The following ITPR1 variants were observed in gnomAD, a reference collection of about 807,000 sequenced individuals.
ITPR1 encodes the protein inositol 1,4,5-trisphosphate receptor type 1.
In ITPR1, 96 loss-of-function variants were observed where a neutral mutation model predicts 318.4. The observed-to-expected ratio is 0.30, with a 90% confidence interval of 0.26 to 0.36. The LOEUF is 0.36. ITPR1 is among the 10% of genes least tolerant of loss of function. ITPR1 has a pLI of 1.00. For synonymous variants in ITPR1, 1,312 were observed against 1,289.9 expected (o/e 1.02, Z -0.37); for missense variants, 2,440 against 3,460.2 (o/e 0.71, Z 7.40).
At chr3:4,823,126 C>T (rs993126220) in intron 60 of ITPR1, among the ~76,000 whole-genome samples, 1 of 152,176 alleles carries the variant, frequency 6.6e-6, no homozygotes, top group South Asian at 2.1e-4. Flanking sequence ...TTTGAAAGGC[C>T]ATGCTATTGG....
rs551468526 is a variant in ITPR1 at position 4,827,697 on chromosome 3, G to C, written c.8029-9077G>C. Among the ~76,000 whole-genome samples, 11 of 152,298 alleles carry C rather than the reference G, an allele frequency of 7.2e-5. 1 individual carries two copies. The South Asian group carries it at 2.1e-3, about 29-fold the overall frequency. The stretch of plus-strand genomic sequence containing the variant: ...CTAAGATTCCAATAAGCAACATTCA[G>C]AGTGCGGATAGGAGTTCGTGAAATA... On this transcript the variant is annotated intron_variant, in intron 60 of 61. Coordinates refer to ENST00000649015, the MANE Select transcript of ITPR1 (RefSeq NM_001378452.1).
At chr3:4,586,730 T>G (rs1367958608) in intron 4 of ITPR1, among the ~76,000 whole-genome samples, 1 of 151,580 alleles carries the variant, frequency 6.6e-6, no homozygotes, top group Non-Finnish European at 1.5e-5. Context: ...GCTGGATTTT[T>G]TTTTTTTTTT....
chr3:4,782,125 T>A (rs1275934916), intron 49 of ITPR1, among the ~76,000 whole-genome samples: 2 of 152,254 alleles, frequency 1.3e-5, no homozygotes, highest in African/African-American at 2.4e-5. Context: ...TTATTTTCAT[T>A]TGGAGTAGGC....
intron 35 of ITPR1, among the ~76,000 whole-genome samples, chr3:4,701,000 A>G (rs1413224651): frequency 6.6e-6 from 1 of 152,194 alleles, no homozygotes; most frequent in Non-Finnish European, 1.5e-5. Context: ...TGTCTCCCAC[A>G]ACATGTGGGA....
intron 44 of ITPR1, among the ~76,000 whole-genome samples, chr3:4,759,192 C>T (rs2045252151): frequency 2.0e-5 from 3 of 152,362 alleles, no homozygotes; most frequent in Middle Eastern, 6.8e-3. Context: ...GCAAGGCAGG[C>T]TCGTCATAAC....
intron 53 of ITPR1, among the ~76,000 whole-genome samples, chr3:4,798,646 A>G (rs2048037886): frequency 6.6e-6 from 1 of 152,248 alleles, no homozygotes; most frequent in Admixed American, 6.5e-5. Context: ...TTGAACATGA[A>G]TGTTTCTAGT....
At chr3:4,526,037 A>G (rs924900498) in intron 4 of ITPR1, among the ~76,000 whole-genome samples, 1 of 152,230 alleles carries the variant, frequency 6.6e-6, no homozygotes, top group Non-Finnish European at 1.5e-5. Context: ...TGATCATGCC[A>G]TTATTGCATA....
intron 2 of ITPR1, among the ~76,000 whole-genome samples, chr3:4,509,144 T>C (rs1424733167): frequency 3.3e-5 from 5 of 152,210 alleles, no homozygotes; most frequent in Non-Finnish European, 7.3e-5. Context: ...ACAATGACCC[T>C]GAGAAATATG....
chr3:4,633,370 T>C (rs2093076577), intron 5 of ITPR1, among the ~76,000 whole-genome samples: 1 of 152,288 alleles, frequency 6.6e-6, no homozygotes. Context: ...GCCAATACGA[T>C]GTTGTATTTT....
intron 44 of ITPR1, among the ~76,000 whole-genome samples, chr3:4,742,299 A>T (rs1191330721): frequency 4.6e-5 from 7 of 152,208 alleles, no homozygotes; most frequent in Non-Finnish European, 7.3e-5. Context: ...GGGTTGGAAA[A>T]GCCTAGTCCC....
At chr3:4,660,962 T>C in intron 13 of ITPR1, 26 bp from the exon 14 acceptor site, 2 of 1,280,472 alleles carry the variant, frequency 1.6e-6, no homozygotes, top group Non-Finnish European at 2.2e-6. Flanking sequence ...TTTATTTCCC[T>C]AAAACCCTCC....
At chr3:4,787,326 A>G (rs2633760) in intron 51 of ITPR1, among the ~76,000 whole-genome samples, 79,321 of 125,494 alleles carry the variant, frequency 0.63, 25,372 homozygotes, top group East Asian at 0.9. Context: ...CAACAAAACG[A>G]GACTCCATCT....
At chr3:4,531,075 C>A (rs889140091) in intron 4 of ITPR1, among the ~76,000 whole-genome samples, 9 of 152,006 alleles carry the variant, frequency 5.9e-5, no homozygotes, top group Admixed American at 6.6e-5. Context: ...CTGTTATGTC[C>A]CCATTTTACA....
At chr3:4,523,089 T>C (rs2124931726) in intron 4 of ITPR1, among the ~76,000 whole-genome samples, 1 of 152,280 alleles carries the variant, frequency 6.6e-6, no homozygotes, top group South Asian at 2.1e-4. Flanking sequence ...AACTTGAACT[T>C]TGTTATTCAG....
chr3:4,637,302 G>A (rs372500039), intron 5 of ITPR1, among the ~76,000 whole-genome samples: 1 of 152,210 alleles, frequency 6.6e-6, no homozygotes, highest in Admixed American at 6.5e-5. Flanking sequence ...CAAAGAATAA[G>A]CCTTCATTCC....
intron 44 of ITPR1, among the ~76,000 whole-genome samples, chr3:4,757,696 C>G (rs1353875558): frequency 1.3e-5 from 2 of 152,178 alleles, no homozygotes; most frequent in Non-Finnish European, 2.9e-5. Flanking sequence ...GGCACCTACC[C>G]CATGGGGTGC....
intron 11 of ITPR1, among the ~76,000 whole-genome samples, chr3:4,653,247 C>A (rs528480333): frequency 5.9e-5 from 9 of 152,316 alleles, no homozygotes; most frequent in African/African-American, 2.2e-4. Context: ...GGTGTCAGCA[C>A]TGCTCCTGTG....
At chr3:4,707,199 G>A (rs1175066392) in intron 37 of ITPR1, among the ~76,000 whole-genome samples, 2 of 152,242 alleles carry the variant, frequency 1.3e-5, no homozygotes, top group Non-Finnish European at 2.9e-5. Flanking sequence ...CCAGTTACCT[G>A]TATTTCGTGC....
At chr3:4,620,621 G>T (rs1213786872) in intron 4 of ITPR1, among the ~76,000 whole-genome samples, 1 of 150,148 alleles carries the variant, frequency 6.7e-6, no homozygotes, top group African/African-American at 2.5e-5. Flanking sequence ...AACTTGGGAA[G>T]ATTGATTTGG....
Sources: allele counts gnomAD v4.1 joint callset (sites outside exome capture counted in the v4.1 genomes callset), GRCh38; gene constraint gnomAD v4.1.1; transcripts MANE v1.5; gene names NCBI Gene and HGNC (gene_info 2026-07-23, HGNC 2026-07-21).